The following HLCS variants were observed in gnomAD, a reference collection of about 807,000 sequenced individuals.
HLCS encodes biotin--protein ligase.
A neutral mutation model predicts 75.0 loss-of-function variants in HLCS; 53 were observed. That is an observed-to-expected ratio of 0.71 (90% CI 0.57 to 0.89). HLCS has a LOEUF of 0.89. HLCS is among the 40% of genes least tolerant of loss of function. The pLI, the probability that HLCS is intolerant of heterozygous loss-of-function variation, is 0.00. For missense variants in HLCS, 966 were observed against 1,074.0 expected (o/e 0.90, Z 1.41); for synonymous variants, 431 against 428.6 (o/e 1.01, Z -0.07).
At chr21:36,781,880 A>G (rs185296325) in intron 6 of HLCS, among the ~76,000 whole-genome samples, 136 of 152,304 alleles carry the variant, frequency 8.9e-4, no homozygotes, top group African/African-American at 3.1e-3. Context: ...GGAATTTTTA[A>G]AAATCAGGAC....
chr21:36,765,250 A>G (rs772724632), intron 7 of HLCS, 78 bp from the exon 8 acceptor site: 37 of 1,308,614 alleles, frequency 2.8e-5, no homozygotes, highest in Non-Finnish European at 3.9e-5. Context: ...CCAGGGCCAC[A>G]CACTCAAATA....
At chr21:36,886,726 G>A (rs944718305) in intron 6 of HLCS, among the ~76,000 whole-genome samples, 4 of 152,152 alleles carry the variant, frequency 2.6e-5, no homozygotes, top group African/African-American at 9.7e-5. Context: ...CACTTTTGCA[G>A]GTGATTAAGT....
chr21:36,933,546 C>G (rs531376362), intron 4 of HLCS, among the ~76,000 whole-genome samples: 2 of 112,838 alleles, frequency 1.8e-5, no homozygotes, highest in Non-Finnish European at 3.6e-5. Flanking sequence ...AATGAAACTC[C>G]GTCTCAAAAA....
At chr21:36,904,812 G>A (rs2065381961) in intron 5 of HLCS, among the ~76,000 whole-genome samples, 1 of 152,142 alleles carries the variant, frequency 6.6e-6, no homozygotes, top group Admixed American at 6.6e-5. Context: ...AATAATACAT[G>A]TAGGGAAAAG....
At position 36,842,667 on chromosome 21, in the gene HLCS, C is replaced by T. The variant is rs1214478076; in HGVS notation, c.1892+54193G>A. Among the ~76,000 whole-genome samples, 6 of 152,094 alleles carry T rather than the reference C, an allele frequency of 3.9e-5. No individual in the cohort carries two copies. The highest frequency in any genetic ancestry group is 2.1e-4 in the South Asian group (1 of 4,810). On this transcript the variant is annotated intron_variant, in intron 6 of 10. Transcript: ENST00000674895. The surrounding 1 kb of genome is among the most constrained non-coding windows in gnomAD (Gnocchi z 4.2). Reference sequence around the variant, plus strand: ...CTGAGGCACGAGAATTGCTTGAACCCGGGAGGTGGAGGTTGCAGTAAGCCA... The same window carrying T: ...CTGAGGCACGAGAATTGCTTGAACCTGGGAGGTGGAGGTTGCAGTAAGCCA...
chr21:36,922,957 G>A lies in HLCS; in HGVS notation c.1620+7294C>T, dbSNP rs144550308. ...GGAGAACATTTATCAAATGGGATTCGGGTCTCAGACCCCGACATTCCTGAG... is the reference window on the plus strand; with the variant it reads ...GGAGAACATTTATCAAATGGGATTCAGGTCTCAGACCCCGACATTCCTGAG... On this transcript the variant is annotated intron_variant, in intron 5 of 10. Coordinates refer to ENST00000674895, the MANE Select transcript of HLCS (RefSeq NM_001352514.2). 3.0e-3 allele frequency among the ~76,000 whole-genome samples: 454 copies of A among 152,290 alleles called. 13 individuals carry two copies. The highest frequency in any genetic ancestry group is 0.024 in the Admixed American group (366 of 15,306).
intron 6 of HLCS, among the ~76,000 whole-genome samples, chr21:36,810,434 T>A (rs1419686019): frequency 6.6e-6 from 1 of 152,154 alleles, no homozygotes; most frequent in Non-Finnish European, 1.5e-5. Flanking sequence ...CCAGCCCTTT[T>A]CTTCTAGGAG....
chr21:36,936,926 C>G lies in HLCS; in HGVS notation c.960G>C (p.Gln320His). The G allele has an allele frequency of 6.2e-7, 1 of 1,614,202 alleles. No homozygotes were observed. The highest frequency in any genetic ancestry group is 8.5e-7 in the Non-Finnish European group (1 of 1,180,018). ...NILLYVGSDS[Q>H]EALGRFHEVR... The stretch of plus-strand genomic sequence containing the variant: ...CCTCGTGGAACCGGCCGAGGGCTTC[C>G]TGGGAGTCGGAGCCCACATAGAGGA... The change falls in exon 4 of 11, where the codon CAG (glutamine) becomes CAC (histidine). Residue 320 changes from glutamine to histidine, a missense_variant. Physicochemically the swap from Gln to His is conservative, Grantham distance 24. Coordinates refer to ENST00000674895, the MANE Select transcript of HLCS (RefSeq NM_001352514.2).
At chr21:36,885,274 A>G (rs534782016) in intron 6 of HLCS, among the ~76,000 whole-genome samples, 1 of 152,302 alleles carries the variant, frequency 6.6e-6, no homozygotes, top group East Asian at 1.9e-4. Flanking sequence ...TGGGAGGCCA[A>G]GGTGGGAGGA....
At chr21:36,813,672 T>C (rs2061577018) in intron 6 of HLCS, among the ~76,000 whole-genome samples, 1 of 152,194 alleles carries the variant, frequency 6.6e-6, no homozygotes, top group Admixed American at 6.5e-5. Flanking sequence ...ACTTATTAAA[T>C]GACATAAAAA....
chr21:36,981,340 A>T (rs1348356815), intron 1 of HLCS, among the ~76,000 whole-genome samples: 1 of 150,844 alleles, frequency 6.6e-6, no homozygotes, highest in Admixed American at 6.6e-5. Context: ...ACTCCTCCCT[A>T]ATTCTGATGA....
intron 10 of HLCS, 103 bp from the exon 11 acceptor site, chr21:36,754,520 G>GA: frequency 8.0e-7 from 1 of 1,243,576 alleles, no homozygotes; most frequent in South Asian, 1.3e-5. Flanking sequence ...GCGTGCTGGG[G>GA]AGAGGGCTGA....
chr21:36,946,877 A>C (rs146968163), intron 2 of HLCS, among the ~76,000 whole-genome samples: 1 of 152,190 alleles, frequency 6.6e-6, no homozygotes, highest in African/African-American at 2.4e-5. Context: ...AGAGTTCTAC[A>C]TTTCAGAAAT....
At chr21:36,757,030 A>C in intron 9 of HLCS, 1 of 819,562 alleles carries the variant, frequency 1.2e-6, no homozygotes, top group Non-Finnish European at 1.5e-6. Flanking sequence ...ATTCAATTTA[A>C]TTCAATAGAA....
intron 6 of HLCS, among the ~76,000 whole-genome samples, chr21:36,847,384 A>G (rs1435071109): frequency 1.3e-5 from 2 of 152,250 alleles, no homozygotes; most frequent in African/African-American, 4.8e-5. Context: ...ACTCGTTTCT[A>G]TGAATCATTG....
At chr21:36,847,511 A>G (rs773118634) in intron 6 of HLCS, among the ~76,000 whole-genome samples, 1 of 152,238 alleles carries the variant, frequency 6.6e-6, no homozygotes, top group Non-Finnish European at 1.5e-5. Flanking sequence ...TGGATTTTAT[A>G]TAAGGTAAGT....
chr21:36,968,940 T>C (rs1005587266), upstream of HLCS: 3 of 152,220 alleles, frequency 2.0e-5, no homozygotes, highest in Non-Finnish European at 2.9e-5. Flanking sequence ...TTTCTAGGTT[T>C]ACCCTTAGGT....
chr21:36,766,888 C>G (rs2090056681), intron 7 of HLCS, among the ~76,000 whole-genome samples: 1 of 152,100 alleles, frequency 6.6e-6, no homozygotes, highest in African/African-American at 2.4e-5. Flanking sequence ...TATGGAGAAC[C>G]TTCAGGAAAA....
chr21:36,835,051 G>C (rs73902746), intron 6 of HLCS, among the ~76,000 whole-genome samples: 5,495 of 152,232 alleles, frequency 0.036, 145 homozygotes, highest in African/African-American at 0.074. Context: ...AGGGTCTTCA[G>C]CCTCATCTCA....
Sources: gnomAD v4.1 joint callset for allele counts (sites outside exome capture counted in the v4.1 genomes callset) on GRCh38, gnomAD v4.1.1 for gene constraint, Gnocchi (gnomAD v3.1) non-coding constraint, MANE v1.5 for transcripts, NCBI Gene and HGNC (gene_info 2026-07-23, HGNC 2026-07-21) for gene names.